GPCPD1: variants seen among roughly 807,000 people sequenced by gnomAD.
The protein encoded by GPCPD1 is glycerophosphocholine phosphodiesterase 1, also known as glycerophosphocholine phosphodiesterase GPCPD1.
A neutral mutation model predicts 89.2 loss-of-function variants in GPCPD1; 29 were observed. The observed-to-expected ratio is 0.33, with a 90% confidence interval of 0.24 to 0.44. The LOEUF (loss-of-function observed/expected upper bound fraction) is 0.44. Ranked by LOEUF, GPCPD1 falls within the 20% of genes least tolerant of loss-of-function variation. The pLI, the probability that GPCPD1 is intolerant of heterozygous loss-of-function variation, is 1.00. For synonymous variants in GPCPD1, 258 were observed against 266.3 expected, an observed-to-expected ratio of 0.97 and a Z score of 0.30; for missense variants, 594 against 808.9, an observed-to-expected ratio of 0.73 and a Z score of 3.22.
intron 14 of GPCPD1, 39 bp from the exon 15 acceptor site, chr20:5,565,117 C>G (rs575741139): frequency 2.0e-6 from 2 of 985,248 alleles, no homozygotes; most frequent in Non-Finnish European, 3.3e-6. Flanking sequence ...AAATAAAATG[C>G]CACTATATCA....
At chr20:5,582,117 C>T (rs1362386559) in intron 6 of GPCPD1, among the ~76,000 whole-genome samples, 1,774 of 125,274 alleles carry the variant, frequency 0.014, 12 homozygotes, top group Middle Eastern at 0.026. Context: ...ACCCGGGAGG[C>T]GGAGCTTGCA....
chr20:5,581,972 CAGG>C (rs1568664653), intron 6 of GPCPD1, among the ~76,000 whole-genome samples: 1 of 148,620 alleles, frequency 6.7e-6, no homozygotes, highest in East Asian at 2.0e-4. Flanking sequence ...ATCACGAGGT[CAGG>C]AGATCGAGAC....
chr20:5,561,591 C>CA (rs573585919), intron 15 of GPCPD1, 61 bp from the exon 16 acceptor site: 59 of 740,136 alleles, frequency 8.0e-5, no homozygotes, highest in South Asian at 3.3e-4. Flanking sequence ...AATAAGAAAA[C>CA]AAAAAAAATA....
chr20:5,562,317 C>T (rs1986133519), intron 15 of GPCPD1, among the ~76,000 whole-genome samples: 1 of 152,224 alleles, frequency 6.6e-6, no homozygotes, highest in Non-Finnish European at 1.5e-5. Flanking sequence ...TAGTCTCACT[C>T]TGTCACCCAG....
rs568516145 is a variant in GPCPD1 at position 5,603,994 on chromosome 20, G to A, written c.49+370C>T. Among the ~76,000 whole-genome samples the A allele has an allele frequency of 1.5e-3, 224 of 152,254 alleles. 3 individuals are homozygous for A. Among genetic ancestry groups the A allele is most frequent in the African/African-American group, 5.0e-3 (209 of 41,538 alleles). On this transcript the variant is annotated intron_variant, in intron 2 of 19. Coordinates refer to ENST00000379019, the MANE Select transcript of GPCPD1 (RefSeq NM_019593.5). ...ACTCCTGACCTCAAGTGATCTACCCGCCTCAGCCTCCCAAAGTGCTGGGAT... is the reference window on the plus strand; with the variant it reads ...ACTCCTGACCTCAAGTGATCTACCCACCTCAGCCTCCCAAAGTGCTGGGAT...
At chr20:5,594,862 CCAA>C (rs1259503417) in intron 3 of GPCPD1, among the ~76,000 whole-genome samples, 3 of 152,306 alleles carry the variant, frequency 2.0e-5, no homozygotes, top group African/African-American at 7.2e-5. Context: ...TGCCATTTTC[CCAA>C]CAACATGTGC....
At chr20:5,585,667 C>A (rs1233569035) in intron 5 of GPCPD1, 2 of 147,170 alleles carry the variant, frequency 1.4e-5, no homozygotes, top group East Asian at 2.0e-4. Flanking sequence ...GCAATTCTAG[C>A]ATAGCCAATA....
At chr20:5,597,296 T>C (rs1274409514) in intron 3 of GPCPD1, among the ~76,000 whole-genome samples, 1 of 152,234 alleles carries the variant, frequency 6.6e-6, no homozygotes, top group Non-Finnish European at 1.5e-5. Context: ...TTTCCTTTGT[T>C]ATTTTCCGTT....
chr20:5,603,919 G>C (rs1292063797), intron 2 of GPCPD1, among the ~76,000 whole-genome samples: 1 of 151,816 alleles, frequency 6.6e-6, no homozygotes, highest in East Asian at 1.9e-4. Context: ...GCTAATTTTT[G>C]TATTTTTAGT....
chr20:5,597,762 C>T (rs919201532), intron 3 of GPCPD1, among the ~76,000 whole-genome samples: 25 of 152,288 alleles, frequency 1.6e-4, no homozygotes, highest in Admixed American at 1.3e-3. Context: ...AGACATCAGC[C>T]GCCCAAGTTC....
chr20:5,587,747 C>T (rs1979028907), intron 4 of GPCPD1, among the ~76,000 whole-genome samples: 1 of 152,122 alleles, frequency 6.6e-6, no homozygotes, highest in South Asian at 2.1e-4. Flanking sequence ...AAATATTCTC[C>T]TACACTTTCT....
chr20:5,607,453 C>T (rs1980666238), intron 1 of GPCPD1, among the ~76,000 whole-genome samples: 1 of 152,072 alleles, frequency 6.6e-6, no homozygotes, highest in South Asian at 2.1e-4. Context: ...TGGCACGTGC[C>T]TGTAGTCCCA....
intron 4 of GPCPD1, among the ~76,000 whole-genome samples, chr20:5,588,248 T>A (rs1053533355): frequency 3.3e-5 from 5 of 152,254 alleles, no homozygotes; most frequent in Non-Finnish European, 5.9e-5. Flanking sequence ...CTCATGCCTA[T>A]AATCCCAGCG....
Position 5,566,609 on chromosome 20 carries a change from T to C in GPCPD1, c.1267+124A>G, listed in dbSNP as rs562310628. ...TTCATTTCCGAACTATAAAATTACA[T>C]TTAGAAGGCCCAGTATTATACTCAT... On this transcript the variant is annotated intron_variant, in intron 14 of 19. Coordinates refer to ENST00000379019, the MANE Select transcript of GPCPD1 (RefSeq NM_019593.5). 9.3e-4 allele frequency: 575 copies of C among 620,960 alleles called. 8 individuals are homozygous for C. The South Asian group carries it at 0.011, about 12-fold the overall frequency. The allele number at this position is 620,960 out of a possible 1,614,324, so 38.5% of individuals were successfully genotyped here. A position where few individuals can be genotyped will look rare whatever the true frequency, so the allele number is the denominator to read the frequency against.
chr20:5,592,515 G>C (rs1354775747), intron 4 of GPCPD1, among the ~76,000 whole-genome samples: 1 of 152,140 alleles, frequency 6.6e-6, no homozygotes, highest in African/African-American at 2.4e-5. Flanking sequence ...CTAAGAGCAC[G>C]AGGTAACAGT....
In GPCPD1 at chr20:5,549,484, A is replaced by T. The variant is rs572968170; in HGVS notation, c.1830-1634T>A. On this transcript the variant is annotated intron_variant, in intron 19 of 19. Coordinates refer to ENST00000379019, the MANE Select transcript of GPCPD1 (RefSeq NM_019593.5). Reference sequence around the variant, plus strand: ...CTAAAAATAGGTTTGTTGTTTAAGAAGACACCTTCTGAGTATTCTTCTGAG... The same window carrying T: ...CTAAAAATAGGTTTGTTGTTTAAGATGACACCTTCTGAGTATTCTTCTGAG... 5.8e-6 allele frequency: 7 copies of T among 1,199,350 alleles called. No individual in the cohort carries two copies. The Middle Eastern group carries it at 8.8e-4, about 151-fold the overall frequency. The allele number at this position is 1,199,350 out of a possible 1,614,324, so 74.3% of individuals were successfully genotyped here.
At chr20:5,602,447 T>C (rs1478652842) in intron 2 of GPCPD1, among the ~76,000 whole-genome samples, 1 of 152,232 alleles carries the variant, frequency 6.6e-6, no homozygotes, top group Non-Finnish European at 1.5e-5. Flanking sequence ...ACCCATCAGC[T>C]GACTAGCAAT....
At chr20:5,609,635 C>G (rs1050615439) in intron 1 of GPCPD1, among the ~76,000 whole-genome samples, 10 of 152,088 alleles carry the variant, frequency 6.6e-5, no homozygotes, top group East Asian at 1.9e-4. Context: ...TCAAATTTTA[C>G]TCACTTTGCT....
intron 4 of GPCPD1, among the ~76,000 whole-genome samples, chr20:5,591,732 C>T (rs1023058497): frequency 1.3e-5 from 2 of 152,128 alleles, no homozygotes; most frequent in African/African-American, 4.8e-5. Flanking sequence ...GCGCCACCAA[C>T]TTTTTTAAAG....
Sources: allele counts gnomAD v4.1 joint callset (sites outside exome capture counted in the v4.1 genomes callset), GRCh38; gene constraint gnomAD v4.1.1; transcripts MANE v1.5; gene names NCBI Gene and HGNC (gene_info 2026-07-23, HGNC 2026-07-21).